LTBP1: variants seen among roughly 807,000 people sequenced by gnomAD.
The protein encoded by LTBP1 is latent transforming growth factor beta binding protein 1, also known as latent-transforming growth factor beta-binding protein 1.
In LTBP1, 129 loss-of-function variants were observed where a neutral mutation model predicts 207.6. The observed-to-expected ratio is 0.62, with a 90% confidence interval of 0.54 to 0.72. The LOEUF is 0.72. Ranked by LOEUF, LTBP1 falls within the 30% of genes least tolerant of loss-of-function variation. The pLI is 0.00. For missense variants in LTBP1, 2,281 were observed against 2,217.2 expected (o/e 1.03, Z -0.58); for synonymous variants, 963 against 833.7 (o/e 1.16, Z -2.67).
chr2:33,079,395 G>A (rs973839239), intron 3 of LTBP1, among the ~76,000 whole-genome samples: 19 of 152,180 alleles, frequency 1.2e-4, no homozygotes, highest in Admixed American at 1.2e-3. Flanking sequence ...AACAACACCA[G>A]CAGATGGGAT....
chr2:33,028,254 A>G (rs764103522), intron 3 of LTBP1, among the ~76,000 whole-genome samples: 2 of 152,218 alleles, frequency 1.3e-5, no homozygotes, highest in African/African-American at 2.4e-5. Context: ...TCCTAATACA[A>G]TTGAAATAAA....
chr2:33,156,472 AT>A (rs1257615320), intron 5 of LTBP1, among the ~76,000 whole-genome samples: 1 of 152,140 alleles, frequency 6.6e-6, no homozygotes, highest in African/African-American at 2.4e-5. Flanking sequence ...TGAGTTTTGT[AT>A]TGTACTTGTG....
intron 7 of LTBP1, among the ~76,000 whole-genome samples, chr2:33,205,263 T>G (rs547259812): frequency 6.6e-6 from 1 of 152,364 alleles, no homozygotes; most frequent in Non-Finnish European, 1.5e-5. Context: ...CTTTATTGCA[T>G]TTAGAATCTA....
chr2:33,134,713 T>G lies in LTBP1; in HGVS notation c.1034-80T>G. ...CTCCTTTCTTTTCTTTTTTTCTGTTTTTTTAAACCTTCCAAGGCAAGTTCA... is the reference window on the plus strand; with the variant it reads ...CTCCTTTCTTTTCTTTTTTTCTGTTGTTTTAAACCTTCCAAGGCAAGTTCA... On this transcript the variant is annotated intron_variant, in intron 4 of 33. Transcript: ENST00000404816. The surrounding 1 kb of genome is among the most constrained non-coding windows in gnomAD (Gnocchi z 4.4). The G allele has an allele frequency of 6.2e-7, 1 of 1,609,532 alleles. No homozygotes were observed. Among genetic ancestry groups the G allele is most frequent in the Non-Finnish European group, 8.5e-7 (1 of 1,178,712 alleles).
At chr2:33,160,614 A>G (rs919180152) in intron 5 of LTBP1, among the ~76,000 whole-genome samples, 43 of 152,220 alleles carry the variant, frequency 2.8e-4, no homozygotes, top group African/African-American at 8.7e-4. Flanking sequence ...TTGACCTACT[A>G]TAGAAAGAGG....
At chr2:33,199,532 A>G (rs2088965845) in intron 7 of LTBP1, among the ~76,000 whole-genome samples, 2 of 152,184 alleles carry the variant, frequency 1.3e-5, no homozygotes, top group South Asian at 2.1e-4. Context: ...TGAATGGGCA[A>G]AAACTGGAAG....
chr2:33,031,736 G>A (rs2075701091), intron 3 of LTBP1, among the ~76,000 whole-genome samples: 1 of 152,182 alleles, frequency 6.6e-6, no homozygotes, highest in Non-Finnish European at 1.5e-5. Context: ...CTCTTTGTGG[G>A]GATTGAAGAA....
intron 3 of LTBP1, among the ~76,000 whole-genome samples, chr2:33,098,199 T>C (rs780515606): frequency 5.3e-5 from 8 of 152,146 alleles, no homozygotes; most frequent in Non-Finnish European, 7.4e-5. Context: ...TCAGTACTGG[T>C]GCGGGTGGGC....
Position 33,217,667 on chromosome 2 carries a change from T to G in LTBP1, c.1804+13T>G. On this transcript the variant is annotated intron_variant, in intron 8 of 33. Transcript: ENST00000404816. The stretch of plus-strand genomic sequence containing the variant: ...CCCAAGAAACCATGTAAGTAATGTT[T>G]CCTCACTCCTTTGCAGGTTAATGTA... 6.3e-7 allele frequency: 1 copy of G among 1,580,508 alleles called. No individual in the cohort carries two copies. Among genetic ancestry groups the G allele is most frequent in the Non-Finnish European group, 8.7e-7 (1 of 1,150,158 alleles).
chr2:33,354,212 C>T (rs917971436), intron 26 of LTBP1, among the ~76,000 whole-genome samples: 2 of 151,992 alleles, frequency 1.3e-5, no homozygotes, highest in Non-Finnish European at 2.9e-5. Flanking sequence ...GACAATCAGT[C>T]AACTGTTATA....
At chr2:32,999,967 A>G (rs958609121) in intron 2 of LTBP1, among the ~76,000 whole-genome samples, 2 of 134,608 alleles carry the variant, frequency 1.5e-5, no homozygotes, top group Non-Finnish European at 3.3e-5. Flanking sequence ...CACCTGATGT[A>G]TGTAAGAGTC....
At chr2:33,096,015 A>G (rs1465766771) in intron 3 of LTBP1, among the ~76,000 whole-genome samples, 1 of 152,164 alleles carries the variant, frequency 6.6e-6, no homozygotes, top group East Asian at 1.9e-4. Context: ...ACATAAATTT[A>G]GAGATCAAAG....
rs1686037141 is a variant in LTBP1, at chr2:33,001,305, G to GC, written c.566-19604_566-19603insC. 1.5e-5 allele frequency among the ~76,000 whole-genome samples: 2 copies of GC among 133,792 alleles called. 1 individual carries two copies. Among genetic ancestry groups the GC allele is most frequent in the Non-Finnish European group, 3.3e-5 (2 of 61,154 alleles). 87.8% of individuals were successfully genotyped at this position (133,792 alleles called of 152,430 possible). ...GTGGCTTTCAAATATTTTTCTGCAC[G>GC]AGAATCATCTGGAGAGCTTGTTAAA... On this transcript the variant is annotated intron_variant, in intron 2 of 33. Transcript: ENST00000404816.
rs574516420 is a variant in LTBP1 at position 33,138,905 on chromosome 2, C to T, written c.1201+3945C>T. ...ACGGAGTCTCGCTCTGTCGCCCAGG[C>T]TGGAGTGCAGTGGCGCGATCTCGGC... is the stretch of plus-strand genomic sequence containing the variant. On this transcript the variant is annotated intron_variant, in intron 5 of 33. Transcript: ENST00000404816. Among the ~76,000 whole-genome samples the T allele has an allele frequency of 1.5e-4, 18 of 119,598 alleles. 1 individual carries two copies. The South Asian group carries it at 3.4e-3, about 23-fold the overall frequency. The allele number at this position is 119,598 out of a possible 152,430, so 78.5% of individuals were successfully genotyped here. A position where few individuals can be genotyped will look rare whatever the true frequency, so the allele number is the denominator to read the frequency against.
rs150084036 is a variant in LTBP1 at position 33,345,550 on chromosome 2, C to G, written c.3857-1817C>G. 6.6e-3 allele frequency among the ~76,000 whole-genome samples: 1,008 copies of G among 152,310 alleles called. 10 individuals are homozygous for G. Among genetic ancestry groups the G allele is most frequent in the South Asian group, 0.037 (180 of 4,824 alleles). ...TGAACTGGCAATTTCTTAAGTTTTTCTGGTCTCAATATGACTGTCGGTTGA... is the reference window on the plus strand; with the variant it reads ...TGAACTGGCAATTTCTTAAGTTTTTGTGGTCTCAATATGACTGTCGGTTGA... On this transcript the variant is annotated intron_variant, in intron 25 of 33. Coordinates refer to ENST00000404816, the MANE Select transcript of LTBP1 (RefSeq NM_206943.4).
chr2:33,073,693 C>A (rs1486091969), intron 3 of LTBP1, among the ~76,000 whole-genome samples: 1 of 151,990 alleles, frequency 6.6e-6, no homozygotes, highest in African/African-American at 2.4e-5. Flanking sequence ...GTGACACAAT[C>A]TCAGCTAACT....
chr2:33,128,869 A>C (rs1244188306), intron 4 of LTBP1, among the ~76,000 whole-genome samples: 1 of 152,076 alleles, frequency 6.6e-6, no homozygotes, highest in South Asian at 2.1e-4. Context: ...TGTTTCTTCA[A>C]CTCTCAGTCA....
chr2:33,258,103 C>A lies in LTBP1; in HGVS notation c.2395+592C>A, dbSNP rs532999082. ...GACCTGTGACCACGGAGCACCTTTTCCCAAGGAAATAGTTTAAGGCTTATA... is the reference window on the plus strand; with the variant it reads ...GACCTGTGACCACGGAGCACCTTTTACCAAGGAAATAGTTTAAGGCTTATA... On this transcript the variant is annotated intron_variant, in intron 12 of 33. Coordinates refer to ENST00000404816, the MANE Select transcript of LTBP1 (RefSeq NM_206943.4). Among the ~76,000 whole-genome samples, 3 of 152,282 alleles carry A rather than the reference C, an allele frequency of 2.0e-5. No homozygotes were observed. In the South Asian group the frequency reaches 6.2e-4, roughly 32 times the overall value.
intron 7 of LTBP1, among the ~76,000 whole-genome samples, chr2:33,198,676 G>T (rs551276629): frequency 5.9e-5 from 9 of 152,262 alleles, no homozygotes; most frequent in Non-Finnish European, 1.0e-4. Context: ...ATTTTCTAGT[G>T]TATTAGCGTA....
Sources: allele counts gnomAD v4.1 joint callset (sites outside exome capture counted in the v4.1 genomes callset), GRCh38; gene constraint gnomAD v4.1.1; non-coding constraint Gnocchi (gnomAD v3.1); transcripts MANE v1.5; gene names NCBI Gene and HGNC (gene_info 2026-07-23, HGNC 2026-07-21).